Variants in NBAS observed in about 807,000 individuals in gnomAD.
NBAS encodes the protein NBAS subunit of NRZ tethering complex.
In NBAS, 219 loss-of-function variants were observed where a neutral mutation model predicts 302.5. The ratio of observed to expected loss-of-function variants is 0.72; its 90% CI spans 0.65 to 0.81. The LOEUF (loss-of-function observed/expected upper bound fraction) is 0.81. NBAS is among the 30% of genes least tolerant of loss of function. NBAS has a pLI of 0.00. For synonymous variants in NBAS, 1,118 were observed against 1,021.6 expected, an observed-to-expected ratio of 1.09 and a Z score of -1.80; for missense variants, 2,932 against 2,841.6, an observed-to-expected ratio of 1.03 and a Z score of -0.72.
At chr2:15,096,380 C>G in the NBAS span, among the ~76,000 whole-genome samples, 1 of 152,208 alleles carries the variant, frequency 6.6e-6, no homozygotes, top group East Asian at 1.9e-4. Flanking sequence ...CCCAGCCTCT[C>G]TGGGGCTCAC....
intron 11 of NBAS, among the ~76,000 whole-genome samples, chr2:15,492,531 A>G (rs892747945): frequency 1.3e-5 from 2 of 152,166 alleles, no homozygotes; most frequent in Non-Finnish European, 2.9e-5. Flanking sequence ...ATCTCGGTTC[A>G]CTGCAACCTC....
At chr2:15,360,866 T>C (rs1673881772) in intron 32 of NBAS, among the ~76,000 whole-genome samples, 1 of 152,136 alleles carries the variant, frequency 6.6e-6, no homozygotes, top group Non-Finnish European at 1.5e-5. Flanking sequence ...CTGAAGGACC[T>C]GCCTGAGGCT....
intron 31 of NBAS, among the ~76,000 whole-genome samples, chr2:15,368,191 C>CTTTTTTTT (rs1197291033): frequency 1.2e-5 from 1 of 84,832 alleles, no homozygotes; most frequent in Non-Finnish European, 2.3e-5. Flanking sequence ...AATGTTTTGA[C>CTTTTTTTT]TTTTTTTTTT....
At chr2:15,141,511 C>G in the NBAS span, among the ~76,000 whole-genome samples, 1 of 152,286 alleles carries the variant, frequency 6.6e-6, no homozygotes, top group South Asian at 2.1e-4. Context: ...ACTCCATATT[C>G]TAGAGGCCTG....
At chr2:15,002,462 G>C in the NBAS span, among the ~76,000 whole-genome samples, 1 of 151,792 alleles carries the variant, frequency 6.6e-6, no homozygotes, top group Non-Finnish European at 1.5e-5. Flanking sequence ...CAGGAGCCCA[G>C]CTGGCTTCAC....
the NBAS span, among the ~76,000 whole-genome samples, chr2:14,920,424 G>C: frequency 6.6e-6 from 1 of 152,110 alleles, no homozygotes; most frequent in Non-Finnish European, 1.5e-5. Flanking sequence ...AATGAGCATT[G>C]GTATCCACCT....
Position 15,348,016 on chromosome 2 carries a change from T to C in NBAS, c.4179+3976A>G, listed in dbSNP as rs1442386497. ...AGTGAAGTAATGAAAGTCTTAAGTA[T>C]TAAAGTAGATTACACATAAAGTCAT... On this transcript the variant is annotated intron_variant, in intron 35 of 51. Transcript: ENST00000281513. Among the ~76,000 whole-genome samples, 4 of 152,234 alleles carry C rather than the reference T, an allele frequency of 2.6e-5. 1 individual carries two copies. The highest frequency in any genetic ancestry group is 5.9e-5 in the Non-Finnish European group (4 of 68,038).
At chr2:14,890,490 G>T in the NBAS span, 1 of 152,124 alleles carries the variant, frequency 6.6e-6, no homozygotes, top group African/African-American at 2.4e-5. Context: ...ATAAGAATTT[G>T]AAAATTATTT....
chr2:15,220,008 G>C (rs1292405999), intron 47 of NBAS, among the ~76,000 whole-genome samples: 1 of 146,952 alleles, frequency 6.8e-6, no homozygotes, highest in East Asian at 2.1e-4. Flanking sequence ...CCTCCCGGAC[G>C]GGGCGGCTGG....
intron 50 of NBAS, among the ~76,000 whole-genome samples, chr2:15,184,457 C>T (rs1198623469): frequency 2.6e-5 from 4 of 151,682 alleles, no homozygotes; most frequent in African/African-American, 9.7e-5. Context: ...ATGGTCCCAC[C>T]GAGGGGCGAT....
the NBAS span, among the ~76,000 whole-genome samples, chr2:14,982,717 C>G: frequency 6.6e-6 from 1 of 152,050 alleles, no homozygotes; most frequent in Admixed American, 6.6e-5. Context: ...AAAAACAAGG[C>G]AAGTATTTGC....
the NBAS span, among the ~76,000 whole-genome samples, chr2:14,847,382 T>TAAAAAAAAAAAAAA: frequency 1.3e-4 from 7 of 53,156 alleles, no homozygotes; most frequent in East Asian, 7.3e-4. Context: ...GACTCTATCT[T>TAAAAAAAAAAAAAA]AAAAAAAAAA....
At chr2:14,912,968 C>A in the NBAS span, among the ~76,000 whole-genome samples, 1 of 152,078 alleles carries the variant, frequency 6.6e-6, no homozygotes, top group South Asian at 2.1e-4. Context: ...TAGAAAGTTT[C>A]TTCGGAAATC....
At chr2:15,039,126 G>A in the NBAS span, among the ~76,000 whole-genome samples, 1 of 152,186 alleles carries the variant, frequency 6.6e-6, no homozygotes, top group Non-Finnish European at 1.5e-5. Context: ...CTTTGGGCAA[G>A]TGGCTTATCT....
rs185397046 is a variant in NBAS at position 15,275,299 on chromosome 2, T to C, written c.5724+185A>G. 4.1e-3 allele frequency among the ~76,000 whole-genome samples: 620 copies of C among 152,290 alleles called. 16 individuals carry two copies. The highest frequency in any genetic ancestry group is 0.036 in the Admixed American group (552 of 15,294). On this transcript the variant is annotated intron_variant, in intron 44 of 51. Transcript: ENST00000281513. ...CTCTATTTTAGCATATTTGTACATC[T>C]ACAATAGAGAAAAAAAATTTCCTAA...
chr2:15,336,342 C>A (rs1672584329), intron 35 of NBAS, among the ~76,000 whole-genome samples: 1 of 152,146 alleles, frequency 6.6e-6, no homozygotes, highest in Non-Finnish European at 1.5e-5. Flanking sequence ...GCTATAGCCT[C>A]AGAGTATGTG....
chr2:15,558,135 C>T (rs1664730372), intron 2 of NBAS, among the ~76,000 whole-genome samples: 1 of 152,178 alleles, frequency 6.6e-6, no homozygotes, highest in Non-Finnish European at 1.5e-5. Context: ...TTCCATGCAA[C>T]CTAGATCCCT....
chr2:15,478,165 G>T, intron 13 of NBAS, 61 bp downstream of exon 13: 1 of 1,150,300 alleles, frequency 8.7e-7, no homozygotes, highest in Non-Finnish European at 1.3e-6. Flanking sequence ...CATCCAAAGA[G>T]AATCTTGTAT....
At chr2:15,034,200 AGAAGGAAAG>A in the NBAS span, among the ~76,000 whole-genome samples, 7,652 of 57,432 alleles carry the variant, frequency 0.13, 1,570 homozygotes, top group East Asian at 0.4. Context: ...AGAAACAAAG[AGAAGGAAAG>A]GAAAGAAAGA....
Sources: gnomAD v4.1 joint callset for allele counts (sites outside exome capture counted in the v4.1 genomes callset) on GRCh38, gnomAD v4.1.1 for gene constraint, MANE v1.5 for transcripts, NCBI Gene and HGNC (gene_info 2026-07-23, HGNC 2026-07-21) for gene names.